Variants in WARS2 observed in about 807,000 individuals in gnomAD.
WARS2 encodes tryptophan--tRNA ligase, mitochondrial.
WARS2 carries 28 observed loss-of-function variants against 36.5 expected under a neutral mutation model. That is an observed-to-expected ratio of 0.77 (90% CI 0.57 to 1.05). The LOEUF (loss-of-function observed/expected upper bound fraction) is 1.05. Among genes scored for constraint, WARS2 ranks in the 50% least tolerant of loss-of-function variants. The pLI, the probability that WARS2 is intolerant of heterozygous loss-of-function variation, is 0.00. For synonymous variants in WARS2, 174 were observed against 178.4 expected (o/e 0.98, Z 0.20); for missense variants, 435 against 456.8 (o/e 0.95, Z 0.44).
chr1:119,097,244 T>C (rs760765853), intron 1 of WARS2, among the ~76,000 whole-genome samples: 5 of 152,226 alleles, frequency 3.3e-5, no homozygotes, highest in African/African-American at 4.8e-5. Flanking sequence ...TTAAAAATAC[T>C]GTAGCAGAAA....
At chr1:119,034,839 T>C (rs2101099253) in intron 4 of WARS2, among the ~76,000 whole-genome samples, 1 of 152,208 alleles carries the variant, frequency 6.6e-6, no homozygotes, top group Non-Finnish European at 1.5e-5. Context: ...AAAAGCAAGT[T>C]GGAGAAAACA....
rs570774688 is a variant in WARS2, at chr1:119,059,441, C to A, written c.349-13779G>T. Among the ~76,000 whole-genome samples the A allele has an allele frequency of 2.6e-4, 39 of 152,148 alleles. No individual in the cohort carries two copies. The East Asian group carries it at 7.3e-3, about 29-fold the overall frequency. ...TTCTAGGGTTTTTATGGTTTTAGGT[C>A]TAACGTTTAAGTCTTTAATCCATCT... On this transcript the variant is annotated intron_variant, in intron 2 of 5. Coordinates refer to ENST00000235521, the MANE Select transcript of WARS2 (RefSeq NM_015836.4).
intron 1 of WARS2, 58 bp from the exon 2 acceptor site, chr1:119,076,665 G>C (rs1223045775): frequency 1.9e-6 from 3 of 1,598,072 alleles, no homozygotes; most frequent in African/African-American, 2.7e-5. Context: ...TGAATCCTAT[G>C]CCCATGTTAT....
chr1:119,095,428 A>T (rs1653364440), intron 1 of WARS2, among the ~76,000 whole-genome samples: 1 of 151,948 alleles, frequency 6.6e-6, no homozygotes, highest in Non-Finnish European at 1.5e-5. Flanking sequence ...TGAACAAAAG[A>T]CTTCTTTTTT....
intron 2 of WARS2, among the ~76,000 whole-genome samples, chr1:119,067,782 A>G (rs981899077): frequency 6.6e-6 from 1 of 152,172 alleles, no homozygotes; most frequent in Non-Finnish European, 1.5e-5. Context: ...GTAAGATTCA[A>G]GCTGAGTATG....
intron 1 of WARS2, among the ~76,000 whole-genome samples, chr1:119,105,714 C>G (rs921855654): frequency 1.3e-5 from 2 of 152,194 alleles, no homozygotes; most frequent in African/African-American, 4.8e-5. Context: ...GAGTTCGAGA[C>G]CAGCCTGGCC....
At chr1:119,059,448 T>A (rs1158142260) in intron 2 of WARS2, among the ~76,000 whole-genome samples, 1 of 152,174 alleles carries the variant, frequency 6.6e-6, no homozygotes, top group Non-Finnish European at 1.5e-5. Flanking sequence ...GGTCTAACGT[T>A]TAAGTCTTTA....
intron 1 of WARS2, among the ~76,000 whole-genome samples, chr1:119,103,501 AC>A (rs1273548363): frequency 6.6e-6 from 1 of 152,064 alleles, no homozygotes; most frequent in Non-Finnish European, 1.5e-5. Flanking sequence ...TATGCCACTG[AC>A]CCAATATCTC....
At chr1:119,112,360 C>G (rs982561161) in intron 1 of WARS2, among the ~76,000 whole-genome samples, 10 of 151,992 alleles carry the variant, frequency 6.6e-5, no homozygotes, top group Admixed American at 5.9e-4. Flanking sequence ...AGATGTAGAG[C>G]CAAGAAATTG....
At chr1:119,055,763 AAAG>A (rs1649736257) in intron 2 of WARS2, among the ~76,000 whole-genome samples, 1 of 151,972 alleles carries the variant, frequency 6.6e-6, no homozygotes, top group South Asian at 2.1e-4. Context: ...GGAAGGAAGG[AAAG>A]AAAGAATATC....
At chr1:119,106,077 C>T (rs587662568) in intron 1 of WARS2, among the ~76,000 whole-genome samples, 21 of 152,070 alleles carry the variant, frequency 1.4e-4, no homozygotes, top group Admixed American at 9.2e-4. Context: ...AGGAAGACAA[C>T]GGAATAAAAA....
rs2101091791 is a variant in WARS2 at position 119,032,427 on chromosome 1, T to C, written c.*484A>G. 2 of 154,280 alleles carry C rather than the reference T, an allele frequency of 1.3e-5. No individual in the cohort carries two copies. The highest frequency in any genetic ancestry group is 3.8e-4 in the East Asian group (2 of 5,206). 9.6% of individuals were successfully genotyped at this position (154,280 alleles called of 1,614,324 possible). On this transcript the variant is annotated 3_prime_UTR_variant, in exon 6 of 6. Coordinates refer to ENST00000235521, the MANE Select transcript of WARS2 (RefSeq NM_015836.4). ...CACCGTCTCAGTGACAAACAAACTA[T>C]AAGAATGGACTTGTTTTTATGAGCT...
chr1:119,117,457 T>C (rs2101525185), intron 1 of WARS2, among the ~76,000 whole-genome samples: 2 of 152,292 alleles, frequency 1.3e-5, no homozygotes, highest in East Asian at 3.9e-4. Flanking sequence ...TATATCCCCC[T>C]TCTACTATTG....
intron 2 of WARS2, among the ~76,000 whole-genome samples, chr1:119,054,122 TTAAA>T (rs1376707961): frequency 1.3e-5 from 2 of 150,244 alleles, no homozygotes; most frequent in Non-Finnish European, 3.0e-5. Context: ...TAAATTATTG[TTAAA>T]TAAAACAATA....
At chr1:119,086,059 T>C (rs1652638370) in intron 1 of WARS2, 3 of 1,233,978 alleles carry the variant, frequency 2.4e-6, no homozygotes, top group East Asian at 5.1e-5. Context: ...AAGGTCTTGC[T>C]ATCTTGCCCA....
intron 1 of WARS2, among the ~76,000 whole-genome samples, chr1:119,134,319 C>CAAAAAAAAAA (rs761321480): frequency 1.7e-4 from 11 of 65,866 alleles, no homozygotes; most frequent in East Asian, 5.3e-4. Flanking sequence ...GGCAAAGGGG[C>CAAAAAAAAAA]AAAAAAAAAA....
chr1:119,095,464 C>A (rs1158651945), intron 1 of WARS2, among the ~76,000 whole-genome samples: 1 of 152,158 alleles, frequency 6.6e-6, no homozygotes, highest in African/African-American at 2.4e-5. Context: ...CACTCTGTCA[C>A]CCATGCTGGA....
chr1:119,122,989 T>A (rs1381652981), intron 1 of WARS2, among the ~76,000 whole-genome samples: 8 of 152,168 alleles, frequency 5.3e-5, no homozygotes, highest in Admixed American at 2.0e-4. Context: ...AGTTCTTAAC[T>A]TGGGTTTATT....
chr1:119,049,173 A>C (rs1649124094), intron 2 of WARS2, among the ~76,000 whole-genome samples: 1 of 152,182 alleles, frequency 6.6e-6, no homozygotes, highest in East Asian at 1.9e-4. Context: ...CAGCGGAGGA[A>C]CACATGAAAC....
Sources: allele counts gnomAD v4.1 joint callset (sites outside exome capture counted in the v4.1 genomes callset), GRCh38; gene constraint gnomAD v4.1.1; transcripts MANE v1.5; gene names NCBI Gene and HGNC (gene_info 2026-07-23, HGNC 2026-07-21).